The following GPD1 variants were observed in gnomAD, a reference collection of about 807,000 sequenced individuals.
GPD1 encodes the protein glycerol-3-phosphate dehydrogenase [NAD(+)], cytoplasmic.
A neutral mutation model predicts 34.4 loss-of-function variants in GPD1; 19 were observed. That is an observed-to-expected ratio of 0.55 (90% CI 0.39 to 0.81). The LOEUF is 0.81. GPD1 is among the 30% of genes least tolerant of loss of function. The pLI, the probability that GPD1 is intolerant of heterozygous loss-of-function variation, is 0.00. For missense variants in GPD1, 429 were observed against 447.0 expected (o/e 0.96, Z 0.36); for synonymous variants, 172 against 174.1 (o/e 0.99, Z 0.09).
rs1951013640 is a variant in GPD1, at chr12:50,110,323, G to T, written c.*804G>T. On this transcript the variant is annotated 3_prime_UTR_variant, in exon 8 of 8. Coordinates refer to ENST00000301149, the MANE Select transcript of GPD1 (RefSeq NM_005276.4). Reference sequence around the variant, plus strand: ...CCCTCCCCGCCAGCACCCTCTTTGGGGAGCAGGAACTTAATCTGCTGACAG... The same window carrying T: ...CCCTCCCCGCCAGCACCCTCTTTGGTGAGCAGGAACTTAATCTGCTGACAG... 1 of 152,740 alleles carries T rather than the reference G, an allele frequency of 6.5e-6. No homozygotes were observed. Among genetic ancestry groups the T allele is most frequent in the Non-Finnish European group, 1.5e-5 (1 of 68,148 alleles). The allele number at this position is 152,740 out of a possible 1,614,324, so 9.5% of individuals were successfully genotyped here. A position where few individuals can be genotyped will look rare whatever the true frequency, so the allele number is the denominator to read the frequency against.
intron 2 of GPD1, chr12:50,105,139 C>G (rs1052678096): frequency 8.2e-5 from 24 of 293,082 alleles, no homozygotes; most frequent in African/African-American, 5.1e-4. Flanking sequence ...GCTCTCCCCA[C>G]CTGGAAAGGG....
chr12:50,109,134 CAAAAA>C (rs34926030), intron 7 of GPD1, among the ~76,000 whole-genome samples: 112 of 64,354 alleles, frequency 1.7e-3, no homozygotes, highest in African/African-American at 7.3e-3. Context: ...GAGTCTGTCT[CAAAAA>C]AAAAAAAAAA....
At position 50,108,008 on chromosome 12, in the gene GPD1, C is replaced by T. The variant is rs999012832; in HGVS notation, c.847-16C>T. ...TTCTCTCCCATTTCCATCCACTCAT[C>T]CTGTTTTCTGCACAGTCCATTGAGC... On this transcript the variant is annotated splice_polypyrimidine_tract_variant and intron_variant, in intron 6 of 7. Coordinates refer to ENST00000301149, the MANE Select transcript of GPD1 (RefSeq NM_005276.4). 5.2e-6 allele frequency: 8 copies of T among 1,548,560 alleles called. No individual in the cohort carries two copies. The highest frequency in any genetic ancestry group is 1.4e-5 in the African/African-American group (1 of 73,812).
In GPD1 at chr12:50,104,508, G is replaced by A. The variant is rs576750154; in HGVS notation, c.42-66G>A. The stretch of plus-strand genomic sequence containing the variant: ...GGGCTGCTGTGAGATCCTGAGGTGG[G>A]GCGCTGCCCCAACTCCTGCCACTGT... On this transcript the variant is annotated intron_variant, in intron 1 of 7. Transcript: ENST00000301149. The A allele has an allele frequency of 9.4e-5, 119 of 1,259,456 alleles. No individual in the cohort carries two copies. The African/African-American group carries it at 1.5e-3, about 16-fold the overall frequency. The allele number at this position is 1,259,456 out of a possible 1,614,324, so 78.0% of individuals were successfully genotyped here.
intron 5 of GPD1, chr12:50,107,189 C>A: frequency 1.5e-6 from 1 of 663,436 alleles, no homozygotes; most frequent in Non-Finnish European, 2.8e-6. Context: ...AGGAGGTGGT[C>A]CAGGGGGACA....
At chr12:50,105,220 G>A (rs1191608877) in intron 2 of GPD1, 1 of 343,694 alleles carries the variant, frequency 2.9e-6, no homozygotes, top group African/African-American at 2.0e-5. Context: ...GCTGGGTGAT[G>A]AAATCTTATT....
intron 2 of GPD1, 78 bp downstream of exon 2, chr12:50,104,829 C>T: frequency 7.9e-7 from 1 of 1,260,524 alleles, no homozygotes; most frequent in South Asian, 1.3e-5. Flanking sequence ...TCAACAGGTG[C>T]CTCCTGCTGA....
At chr12:50,104,795 G>C in intron 2 of GPD1, 44 bp downstream of exon 2, 3 of 1,552,536 alleles carry the variant, frequency 1.9e-6, no homozygotes, top group Non-Finnish European at 2.7e-6. Context: ...GGAAGGGAGG[G>C]CCAGGAGTTG....
At chr12:50,108,230 A>C (rs958428995) in intron 7 of GPD1, 100 bp downstream of exon 7, 1 of 730,272 alleles carries the variant, frequency 1.4e-6, no homozygotes, top group Non-Finnish European at 2.5e-6. Flanking sequence ...TGTGAAGTGG[A>C]CAGAAAGGGG....
chr12:50,105,478 C>T, intron 2 of GPD1, 70 bp from the exon 3 acceptor site: 1 of 1,516,992 alleles, frequency 6.6e-7, no homozygotes, highest in South Asian at 1.2e-5. Flanking sequence ...GCTCCCAGAT[C>T]TCCTGAATAG....
In GPD1 at chr12:50,109,749, C is replaced by A; in HGVS notation, c.*230C>A. The A allele has an allele frequency of 1.9e-6, 1 of 526,650 alleles. No homozygotes were observed. The highest frequency in any genetic ancestry group is 3.4e-6 in the Non-Finnish European group (1 of 289,876). 32.6% of individuals were successfully genotyped at this position (526,650 alleles called of 1,614,324 possible). A position where few individuals can be genotyped will look rare whatever the true frequency, so the allele number is the denominator to read the frequency against. ...TTGCCAGAAATGCAGTTGCCCTGTC[C>A]CTCTCCAGATGTGGGGCTTTCTCCA... On this transcript the variant is annotated 3_prime_UTR_variant, in exon 8 of 8. Coordinates refer to ENST00000301149, the MANE Select transcript of GPD1 (RefSeq NM_005276.4).
intron 7 of GPD1, 121 bp from the exon 8 acceptor site, chr12:50,109,302 C>T: frequency 1.5e-6 from 1 of 652,764 alleles, no homozygotes; most frequent in South Asian, 1.7e-5. Flanking sequence ...AACTCACAGC[C>T]ATCCTTCCTG....
chr12:50,108,720 G>A (rs1322473639), intron 7 of GPD1, among the ~76,000 whole-genome samples: 1 of 152,154 alleles, frequency 6.6e-6, no homozygotes, highest in African/African-American at 2.4e-5. Context: ...ACAGTAAGAA[G>A]GAAATGAGTA....
Position 50,110,730 on chromosome 12 carries a change from G to C in GPD1, c.*1211G>C, listed in dbSNP as rs560577423. On this transcript the variant is annotated 3_prime_UTR_variant, in exon 8 of 8. Coordinates refer to ENST00000301149, the MANE Select transcript of GPD1 (RefSeq NM_005276.4). ...GAGGTACTGACAACACCAGCAACTC[G>C]AGAGCTGGGAAACTCAAGGAGGAGG... 1 of 152,762 alleles carries C rather than the reference G, an allele frequency of 6.5e-6. No homozygotes were observed. Among genetic ancestry groups the C allele is most frequent in the African/African-American group, 2.4e-5 (1 of 41,424 alleles). The allele number at this position is 152,762 out of a possible 1,614,324, so 9.5% of individuals were successfully genotyped here.
intron 4 of GPD1, 89 bp downstream of exon 4, chr12:50,106,515 C>A: frequency 8.0e-7 from 1 of 1,249,012 alleles, no homozygotes; most frequent in Admixed American, 2.1e-5. Context: ...ATCTCTTTCC[C>A]ATAAGGCAGA....
intron 1 of GPD1, 42 bp from the exon 2 acceptor site, chr12:50,104,532 G>A: frequency 2.0e-6 from 3 of 1,534,422 alleles, no homozygotes; most frequent in South Asian, 1.1e-5. Flanking sequence ...TCCTGCCACT[G>A]TTCCCTCCTC....
Position 50,109,540 on chromosome 12 carries a change from A to G in GPD1, c.*21A>G. 1 of 1,288,644 alleles carries G rather than the reference A, an allele frequency of 7.8e-7. No individual in the cohort carries two copies. Among genetic ancestry groups the G allele is most frequent in the Non-Finnish European group, 1.1e-6 (1 of 881,914 alleles). The allele number at this position is 1,288,644 out of a possible 1,614,324, so 79.8% of individuals were successfully genotyped here. On this transcript the variant is annotated 3_prime_UTR_variant, in exon 8 of 8. Transcript: ENST00000301149. ...TGTGAGTGGGGCCAGGGCCCAGGCC[A>G]GGCCGCTTTTTTACCCCAGTGGAGA...
chr12:50,107,628 C>T lies in GPD1; in HGVS notation c.674C>T (p.Ala225Val), dbSNP rs201609436. Residue 225 changes from alanine to valine, a missense_variant, in exon 6 of 8, where the codon GCG becomes GTG. By Grantham distance (64) the Ala-to-Val change is moderately conservative. Coordinates refer to ENST00000301149, the MANE Select transcript of GPD1 (RefSeq NM_005276.4). ...DGLGFGDNTK[A>V]AVIRLGLMEM... ...CTGGGCTTTGGCGACAACACCAAGG[C>T]GGCAGTGATCCGGCTGGGACTCATG... 84 of 1,614,102 alleles carry T rather than the reference C, an allele frequency of 5.2e-5. No homozygotes were observed. The highest frequency in any genetic ancestry group is 4.0e-4 in the Admixed American group (24 of 60,020).
In GPD1 at chr12:50,111,165, C is replaced by G. The variant is rs1951019973; in HGVS notation, c.*1646C>G. Reference sequence around the variant, plus strand: ...GAGCCCAGGTCTGGGTACTGAGTGTCCAGAGCTGCCTCCCCAGGAGGTTAA... The same window carrying G: ...GAGCCCAGGTCTGGGTACTGAGTGTGCAGAGCTGCCTCCCCAGGAGGTTAA... On this transcript the variant is annotated 3_prime_UTR_variant, in exon 8 of 8. Coordinates refer to ENST00000301149, the MANE Select transcript of GPD1 (RefSeq NM_005276.4). This position sits in a 1 kb window ranked among gnomAD's most constrained non-coding sequence, Gnocchi z 4.1. 1 of 152,260 alleles carries G rather than the reference C, an allele frequency of 6.6e-6. No homozygotes were observed. Among genetic ancestry groups the G allele is most frequent in the Non-Finnish European group, 1.5e-5 (1 of 68,106 alleles). The allele number at this position is 152,260 out of a possible 1,614,324, so 9.4% of individuals were successfully genotyped here.
Sources: allele counts gnomAD v4.1 joint callset (sites outside exome capture counted in the v4.1 genomes callset), GRCh38; gene constraint gnomAD v4.1.1; non-coding constraint Gnocchi (gnomAD v3.1); transcripts MANE v1.5; gene names NCBI Gene and HGNC (gene_info 2026-07-23, HGNC 2026-07-21).